Variants in CACNA2D3 observed in about 807,000 individuals in gnomAD.
The protein encoded by CACNA2D3 is calcium voltage-gated channel auxiliary subunit alpha2delta 3, also known as voltage-dependent calcium channel subunit alpha-2/delta-3.
CACNA2D3 carries 60 observed loss-of-function variants against 160.6 expected under a neutral mutation model. The observed-to-expected ratio is 0.37, with a 90% CI of 0.30 to 0.46. CACNA2D3 has a LOEUF of 0.46. Ranked by LOEUF, CACNA2D3 falls within the 20% of genes least tolerant of loss-of-function variation. The pLI is 1.00. For synonymous variants in CACNA2D3, 558 were observed against 492.9 expected (o/e 1.13, Z -1.75); for missense variants, 1,205 against 1,365.0 (o/e 0.88, Z 1.85).
intron 5 of CACNA2D3, among the ~76,000 whole-genome samples, chr3:54,557,757 A>G (rs1702262560): frequency 6.6e-6 from 1 of 152,184 alleles, no homozygotes; most frequent in African/African-American, 2.4e-5. Flanking sequence ...AAAGAAAGAG[A>G]TCCATTTTCC....
At chr3:54,713,463 C>T (rs1265340809) in intron 11 of CACNA2D3, among the ~76,000 whole-genome samples, 1 of 152,238 alleles carries the variant, frequency 6.6e-6, no homozygotes. Flanking sequence ...CCACCCTTCC[C>T]TGGATCACGT....
intron 13 of CACNA2D3, among the ~76,000 whole-genome samples, chr3:54,804,090 A>G (rs541981795): frequency 2.6e-3 from 389 of 152,290 alleles, no homozygotes; most frequent in Middle Eastern, 6.8e-3. Flanking sequence ...GGTACCAGCC[A>G]CTGCAAAATC....
chr3:54,637,445 G>C (rs1559534662), intron 10 of CACNA2D3, among the ~76,000 whole-genome samples: 1 of 151,880 alleles, frequency 6.6e-6, no homozygotes, highest in Non-Finnish European at 1.5e-5. Flanking sequence ...AGACAATTTA[G>C]TTAAAGTGTC....
chr3:54,259,606 C>T (rs1195405604), intron 2 of CACNA2D3, among the ~76,000 whole-genome samples: 5 of 152,098 alleles, frequency 3.3e-5, no homozygotes, highest in East Asian at 1.9e-4. Flanking sequence ...AAAACCAAGC[C>T]GCTTGTTCCT....
intron 4 of CACNA2D3, among the ~76,000 whole-genome samples, chr3:54,470,998 CAAT>C (rs1234150414): frequency 6.6e-6 from 1 of 151,476 alleles, no homozygotes; most frequent in Non-Finnish European, 1.5e-5. Context: ...AATATTAGAT[CAAT>C]GAGACAGAAA....
rs1362102268 is a variant in CACNA2D3, at chr3:54,844,450, C to T, written c.1552-1943C>T. On this transcript the variant is annotated intron_variant, in intron 16 of 37. Transcript: ENST00000474759. ...CATTGGGATGGGAAGATGAGCTCAG[C>T]GTCTGCATTCTGGGGGAGGAAGCAG... Among the ~76,000 whole-genome samples, 6 of 152,214 alleles carry T rather than the reference C, an allele frequency of 3.9e-5. No individual in the cohort carries two copies. In the East Asian group the frequency reaches 7.7e-4, roughly 20 times the overall value.
chr3:55,032,595 G>C (rs1176543523), intron 35 of CACNA2D3, among the ~76,000 whole-genome samples: 1 of 152,124 alleles, frequency 6.6e-6, no homozygotes, highest in Non-Finnish European at 1.5e-5. Context: ...ACCTGGGTTT[G>C]AGATCTCAAT....
chr3:54,998,491 G>A (rs564964168), intron 31 of CACNA2D3, among the ~76,000 whole-genome samples: 1 of 152,168 alleles, frequency 6.6e-6, no homozygotes, highest in East Asian at 1.9e-4. Context: ...ATGCTGATGG[G>A]ATTAATATCT....
rs1009247248 is a variant in CACNA2D3 at position 55,039,130 on chromosome 3, A to G, written c.2987+20813A>G. 5.7e-4 allele frequency among the ~76,000 whole-genome samples: 87 copies of G among 152,076 alleles called. 1 individual carries two copies. Among genetic ancestry groups the G allele is most frequent in the African/African-American group, 2.0e-3 (82 of 41,506 alleles). On this transcript the variant is annotated intron_variant, in intron 35 of 37. Coordinates refer to ENST00000474759, the MANE Select transcript of CACNA2D3 (RefSeq NM_018398.3). ...GATCATTCTAGCATCTTCGCAAAAT[A>G]CATTTCTTGAAATAGAGCCATAGAA...
At chr3:54,808,019 C>T (rs1412386887) in intron 13 of CACNA2D3, among the ~76,000 whole-genome samples, 1 of 125,746 alleles carries the variant, frequency 8.0e-6, no homozygotes, top group Non-Finnish European at 1.6e-5. Flanking sequence ...AACACATGGA[C>T]ACAGGAAGGG....
chr3:54,559,492 C>A (rs1702291608), intron 5 of CACNA2D3, among the ~76,000 whole-genome samples: 1 of 152,058 alleles, frequency 6.6e-6, no homozygotes, highest in African/African-American at 2.4e-5. Flanking sequence ...GGGCTTTCAC[C>A]ATGTTGGCCA....
In CACNA2D3 at chr3:54,403,393, ACACACG is replaced by A. The variant is rs1392566107; in HGVS notation, c.381+16625_381+16630del. ...CACACACACACACACACACACACAC[ACACACG>A]CACACACAATAAAAATATCTTGAGA... On this transcript the variant is annotated intron_variant, in intron 4 of 37. Coordinates refer to ENST00000474759, the MANE Select transcript of CACNA2D3 (RefSeq NM_018398.3). Among the ~76,000 whole-genome samples the A allele has an allele frequency of 1.7e-4, 25 of 146,424 alleles. 1 individual carries two copies. The South Asian group carries it at 3.8e-3, about 22-fold the overall frequency.
At chr3:54,413,673 A>G (rs1699708211) in intron 4 of CACNA2D3, among the ~76,000 whole-genome samples, 1 of 150,916 alleles carries the variant, frequency 6.6e-6, no homozygotes, top group African/African-American at 2.4e-5. Flanking sequence ...GTACTCTCCA[A>G]TCTTCCATTA....
intron 27 of CACNA2D3, among the ~76,000 whole-genome samples, chr3:54,915,988 A>G (rs17054548): frequency 0.12 from 18,228 of 151,860 alleles, 1,108 homozygotes; most frequent in Middle Eastern, 0.15. Flanking sequence ...TGGATCAGAA[A>G]CTCCCTCATG....
chr3:54,315,041 A>G (rs1376752242), intron 2 of CACNA2D3, among the ~76,000 whole-genome samples: 4 of 152,262 alleles, frequency 2.6e-5, no homozygotes, highest in Admixed American at 1.3e-4. Context: ...TATAGAAAAT[A>G]AAAAGGCCCA....
chr3:54,795,759 C>G (rs1482381971), intron 13 of CACNA2D3, among the ~76,000 whole-genome samples: 1 of 152,148 alleles, frequency 6.6e-6, no homozygotes, highest in Non-Finnish European at 1.5e-5. Flanking sequence ...CTGATAAGAC[C>G]TGACTTTCTA....
chr3:54,215,388 A>G (rs900307259), intron 2 of CACNA2D3, among the ~76,000 whole-genome samples: 1 of 152,220 alleles, frequency 6.6e-6, no homozygotes, highest in African/African-American at 2.4e-5. Context: ...CATACAATAC[A>G]GTATTATTAA....
At chr3:55,022,693 A>C (rs1458046353) in intron 35 of CACNA2D3, among the ~76,000 whole-genome samples, 1 of 109,456 alleles carries the variant, frequency 9.1e-6, no homozygotes, top group Admixed American at 1.1e-4. Flanking sequence ...CATTGGATTG[A>C]TTGGGTTTTT....
rs778802466 is a variant in CACNA2D3 at position 54,570,036 on chromosome 3, A to G, written c.820A>G (p.Ile274Val). 1 of 1,614,012 alleles carries G rather than the reference A, an allele frequency of 6.2e-7. No homozygotes were observed. Among genetic ancestry groups the G allele is most frequent in the Non-Finnish European group, 8.5e-7 (1 of 1,179,842 alleles). ...CAGCATGAAAGGACTCCGTCTGACT[A>G]TCGCGAAGCAAACAGTCTCATCCAT... ...SGSMKGLRLT[I>V]AKQTVSSILD... Residue 274 changes from isoleucine (I) to valine (V), a missense_variant, in exon 8 of 38, where the codon ATC (isoleucine) becomes GTC (valine). Physicochemically the swap from Ile to Val is conservative, Grantham distance 29. Around this residue, in one of 3 missense-constraint regions of CACNA2D3, gnomAD observed 131 missense variants for 201.5 expected, o/e 0.65. Coordinates refer to ENST00000474759, the MANE Select transcript of CACNA2D3 (RefSeq NM_018398.3).
Sources: gnomAD v4.1 joint callset for allele counts (sites outside exome capture counted in the v4.1 genomes callset) on GRCh38, gnomAD v4.1.1 for gene constraint, gnomAD v4.1.1 regional missense constraint, MANE v1.5 for transcripts, NCBI Gene and HGNC (gene_info 2026-07-23, HGNC 2026-07-21) for gene names.